Variants in FANK1 observed in about 807,000 individuals in gnomAD.
The protein encoded by FANK1 is fibronectin type III and ankyrin repeat domains 1.
A neutral mutation model predicts 45.3 loss-of-function variants in FANK1; 44 were observed. That is an observed-to-expected ratio of 0.97 (90% CI 0.76 to 1.25). The LOEUF is 1.25. Ranked by LOEUF, FANK1 falls within the 50% of genes most tolerant of loss-of-function variation. The pLI, the probability that FANK1 is intolerant of heterozygous loss-of-function variation, is 0.00. For missense variants in FANK1, 391 were observed against 424.4 expected, an observed-to-expected ratio of 0.92 and a Z score of 0.69; for synonymous variants, 149 against 152.5, an observed-to-expected ratio of 0.98 and a Z score of 0.17.
At chr10:125,949,682 A>C (rs1441105963) in intron 1 of FANK1, among the ~76,000 whole-genome samples, 3 of 142,764 alleles carry the variant, frequency 2.1e-5, no homozygotes, top group Non-Finnish European at 4.6e-5. Context: ...GAAAATGGCC[A>C]TACTGCCCAA....
At position 125,995,436 on chromosome 10, in the gene FANK1, G is replaced by GC. The variant is rs1952254473; in HGVS notation, c.337dup (p.His113ProfsTer10). 2 of 1,614,068 alleles carry GC rather than the reference G, an allele frequency of 1.2e-6. No individual in the cohort carries two copies. Among genetic ancestry groups the GC allele is most frequent in the South Asian group, 2.2e-5 (2 of 91,082 alleles). On this transcript the variant is annotated frameshift_variant, in exon 4 of 11. Transcript: ENST00000368693. LOFTEE classifies it high-confidence loss of function. Reference sequence around the variant, plus strand: ...CTCCAGGAGAGCCCATAAGTAGTGAGCACTTGCACCGGGCTGTCAGTGTGA... The same window carrying GC: ...CTCCAGGAGAGCCCATAAGTAGTGAGCCACTTGCACCGGGCTGTCAGTGTGA...
At chr10:125,898,186 G>A (rs1428054032) in intron 1 of FANK1, among the ~76,000 whole-genome samples, 10 of 151,508 alleles carry the variant, frequency 6.6e-5, no homozygotes, top group Admixed American at 3.3e-4. Flanking sequence ...ACTCCATCTC[G>A]AAAAAACAAA....
chr10:125,908,696 T>G (rs1277970987), intron 1 of FANK1, among the ~76,000 whole-genome samples: 1 of 151,910 alleles, frequency 6.6e-6, no homozygotes, highest in Non-Finnish European at 1.5e-5. Flanking sequence ...AAATCACCAC[T>G]AAAGAACTTA....
chr10:125,942,988 A>T (rs1283153563), intron 1 of FANK1, among the ~76,000 whole-genome samples: 1 of 151,794 alleles, frequency 6.6e-6, no homozygotes, highest in Non-Finnish European at 1.5e-5. Context: ...TAATTTTTGT[A>T]TTTTTAATAG....
At chr10:125,986,898 T>C (rs551005500) in intron 2 of FANK1, among the ~76,000 whole-genome samples, 19 of 152,282 alleles carry the variant, frequency 1.2e-4, no homozygotes, top group Non-Finnish European at 2.5e-4. Context: ...AGGACAAGTG[T>C]TGGGTCTGTT....
rs60627576 is a variant in FANK1 at position 125,981,496 on chromosome 10, CAAAAA to C, written c.191+1173_191+1177del. Among the ~76,000 whole-genome samples, 595 of 117,308 alleles carry C rather than the reference CAAAAA, an allele frequency of 5.1e-3. 9 individuals are homozygous for C. The highest frequency in any genetic ancestry group is 5.8e-3 in the Non-Finnish European group (337 of 58,242). 77.0% of individuals were successfully genotyped at this position (117,308 alleles called of 152,430 possible). ...TGGGTGACAGAGTGAGACCCTGTCTCAAAAAAAAAAAAAAAAAAAGTTATGTTTTT... is the reference window on the plus strand; with the variant it reads ...TGGGTGACAGAGTGAGACCCTGTCTCAAAAAAAAAAAAAAGTTATGTTTTT... On this transcript the variant is annotated intron_variant, in intron 2 of 10. Coordinates refer to ENST00000368693, the MANE Select transcript of FANK1 (RefSeq NM_145235.5).
intron 1 of FANK1, among the ~76,000 whole-genome samples, chr10:125,953,633 C>T (rs1949393500): frequency 6.6e-6 from 1 of 152,210 alleles, no homozygotes; most frequent in Non-Finnish European, 1.5e-5. Context: ...CTCTGAGCTG[C>T]AGGTCCCAGA....
chr10:125,927,202 G>C (rs1455028819), intron 1 of FANK1, among the ~76,000 whole-genome samples: 2 of 152,180 alleles, frequency 1.3e-5, no homozygotes, highest in African/African-American at 2.4e-5. Flanking sequence ...CAATCTCCCT[G>C]GCTCAAGCGA....
At chr10:125,933,266 CT>C (rs1380093460) in intron 1 of FANK1, among the ~76,000 whole-genome samples, 1 of 151,102 alleles carries the variant, frequency 6.6e-6, no homozygotes, top group South Asian at 2.1e-4. Context: ...TGGTCCTAGA[CT>C]TTTTTTTTGT....
chr10:125,956,201 T>TG (rs1321729033), intron 1 of FANK1, among the ~76,000 whole-genome samples: 6 of 28,686 alleles, frequency 2.1e-4, no homozygotes, highest in Non-Finnish European at 4.2e-4. Context: ...GATACATTTT[T>TG]TGGGGGGGGG....
intron 1 of FANK1, among the ~76,000 whole-genome samples, chr10:125,935,576 A>T (rs1343462017): frequency 6.6e-6 from 1 of 152,226 alleles, no homozygotes; most frequent in East Asian, 1.9e-4. Flanking sequence ...TTTAAGAAAA[A>T]GAATGCTGAT....
chr10:125,997,389 A>G, intron 5 of FANK1, 31 bp from the exon 6 acceptor site: 1 of 1,601,990 alleles, frequency 6.2e-7, no homozygotes, highest in Non-Finnish European at 8.5e-7. Flanking sequence ...AAGGTGACTT[A>G]TCTAGCTACA....
chr10:125,922,959 TTC>T (rs764072670), intron 1 of FANK1, among the ~76,000 whole-genome samples: 36 of 152,294 alleles, frequency 2.4e-4, no homozygotes, highest in Non-Finnish European at 4.1e-4. Flanking sequence ...TCTTTTTTTA[TTC>T]TCTCAGTTTG....
intron 3 of FANK1, among the ~76,000 whole-genome samples, chr10:125,991,250 G>GCTGTGT (rs1554946302): frequency 2.1e-5 from 3 of 145,908 alleles, no homozygotes; most frequent in African/African-American, 7.6e-5. Flanking sequence ...GGTGACCAGG[G>GCTGTGT]GTGTGTGTGT....
At chr10:125,964,862 C>T (rs1022295325) in intron 1 of FANK1, among the ~76,000 whole-genome samples, 46 of 152,326 alleles carry the variant, frequency 3.0e-4, no homozygotes, top group Non-Finnish European at 5.1e-4. Context: ...TCCACTCTTC[C>T]TCTTCACTGC....
rs1564961572 is a variant in FANK1, at chr10:125,996,620, A to G, written c.469A>G (p.Thr157Ala). Residue 157 changes from threonine (T) to alanine (A), a missense_variant, in exon 5 of 11, where the codon ACC (threonine) becomes GCC (alanine). Thr to Ala is a moderately conservative substitution (Grantham distance 58). Coordinates refer to ENST00000368693, the MANE Select transcript of FANK1 (RefSeq NM_145235.5). ...ALMVAAQKGY[T>A]RLVKILVSNG... ...GATGGTTGCTGCCCAGAAAGGATACACCAGGTATGGCTCTTCTTTTTTTTA... is the reference window on the plus strand; with the variant it reads ...GATGGTTGCTGCCCAGAAAGGATACGCCAGGTATGGCTCTTCTTTTTTTTA... The G allele has an allele frequency of 6.2e-7, 1 of 1,613,758 alleles. No homozygotes were observed. The highest frequency in any genetic ancestry group is 8.5e-7 in the Non-Finnish European group (1 of 1,179,836).
At chr10:125,990,229 G>A (rs1011367050) in intron 3 of FANK1, among the ~76,000 whole-genome samples, 3 of 152,308 alleles carry the variant, frequency 2.0e-5, no homozygotes, top group African/African-American at 4.8e-5. Context: ...AAGGATGGAC[G>A]ATGGGTTGGC....
chr10:125,976,533 C>T (rs1466461610), intron 1 of FANK1, among the ~76,000 whole-genome samples: 1 of 152,128 alleles, frequency 6.6e-6, no homozygotes, highest in African/African-American at 2.4e-5. Flanking sequence ...TTTTGTCTGA[C>T]TGTCCTATTT....
At chr10:125,924,796 G>A (rs1196991966) in intron 1 of FANK1, among the ~76,000 whole-genome samples, 11 of 121,760 alleles carry the variant, frequency 9.0e-5, no homozygotes, top group African/African-American at 3.7e-4. Context: ...GACAGAGTGA[G>A]ACCCCATCTC....
Sources: allele counts gnomAD v4.1 joint callset (sites outside exome capture counted in the v4.1 genomes callset), GRCh38; gene constraint gnomAD v4.1.1; transcripts MANE v1.5; gene names NCBI Gene and HGNC (gene_info 2026-07-23, HGNC 2026-07-21).